GALNT17: variants seen among roughly 807,000 people sequenced by gnomAD.
GALNT17 encodes the protein polypeptide N-acetylgalactosaminyltransferase 17, also known as UDP-GalNAc:polypeptide N-acetylgalactosaminyltransferase-like 3.
A neutral mutation model predicts 63.7 loss-of-function variants in GALNT17; 29 were observed. The ratio of observed to expected loss-of-function variants is 0.46; its 90% CI spans 0.34 to 0.62. The LOEUF is 0.62. Ranked by LOEUF, GALNT17 falls within the 20% of genes least tolerant of loss-of-function variation. The probability of loss-of-function intolerance (pLI) is 0.01; values close to 1 mark genes in which losing one functional copy is unlikely to be tolerated. For synonymous variants in GALNT17, 305 were observed against 318.3 expected (o/e 0.96, Z 0.45); for missense variants, 603 against 799.6 (o/e 0.75, Z 2.97).
At chr7:71,644,157 C>T (rs1409115147) in intron 6 of GALNT17, among the ~76,000 whole-genome samples, 1 of 152,008 alleles carries the variant, frequency 6.6e-6, no homozygotes, top group Non-Finnish European at 1.5e-5. Flanking sequence ...AATCCCAGCA[C>T]TTTGAGAAGC....
At chr7:71,263,687 G>T (rs1053385612) in intron 1 of GALNT17, among the ~76,000 whole-genome samples, 2 of 152,058 alleles carry the variant, frequency 1.3e-5, no homozygotes, top group Admixed American at 6.5e-5. Context: ...ACTTTGAGAG[G>T]CCAAGGCGGG....
Position 71,132,853 on chromosome 7 carries a change from G to A in GALNT17, c.51G>A (p.Ala17=), listed in dbSNP as rs748838896. The A allele has an allele frequency of 6.2e-7, 1 of 1,612,726 alleles. No individual in the cohort carries two copies. Among genetic ancestry groups the A allele is most frequent in the Non-Finnish European group, 8.5e-7 (1 of 1,179,310 alleles). ...TGCTGTTGGTGTTGAACTTGATCGC[G>A]GTAGCCGGCTTCGTGCTCTTCCTGG... ...VKVLLVLNLI[A]VAGFVLFLAK... is the part of the protein sequence containing the mutation. Residue 17 remains alanine, a synonymous_variant, in exon 1 of 11, where the codon GCG becomes GCA. Coordinates refer to ENST00000333538, the MANE Select transcript of GALNT17 (RefSeq NM_022479.3).
intron 1 of GALNT17, among the ~76,000 whole-genome samples, chr7:71,327,449 C>T (rs575949115): frequency 2.6e-5 from 4 of 152,052 alleles, no homozygotes; most frequent in Non-Finnish European, 5.9e-5. Flanking sequence ...GGGAAAACTG[C>T]CCCCGTGATT....
chr7:71,678,297 T>G (rs1791182603), intron 9 of GALNT17, among the ~76,000 whole-genome samples: 1 of 151,748 alleles, frequency 6.6e-6, no homozygotes, highest in Admixed American at 6.6e-5. Context: ...AGCTAATTTT[T>G]GTATTTTCAG....
chr7:71,530,373 A>T (rs940636099), intron 5 of GALNT17, among the ~76,000 whole-genome samples: 1 of 152,078 alleles, frequency 6.6e-6, no homozygotes, highest in African/African-American at 2.4e-5. Context: ...TACTTCTCCT[A>T]AAGACTTTTA....
intron 1 of GALNT17, among the ~76,000 whole-genome samples, chr7:71,334,234 T>C (rs187428546): frequency 3.9e-5 from 6 of 152,316 alleles, no homozygotes; most frequent in African/African-American, 1.4e-4. Flanking sequence ...GGAGAGGGAA[T>C]ACAAGCTTTG....
At chr7:71,143,103 A>G (rs1787947068) in intron 1 of GALNT17, among the ~76,000 whole-genome samples, 1 of 151,876 alleles carries the variant, frequency 6.6e-6, no homozygotes, top group Non-Finnish European at 1.5e-5. Context: ...CACCTTGTGG[A>G]AGGTGTGAAA....
At chr7:71,573,742 C>T (rs1231349281) in intron 6 of GALNT17, among the ~76,000 whole-genome samples, 5 of 151,982 alleles carry the variant, frequency 3.3e-5, no homozygotes, top group Non-Finnish European at 7.4e-5. Flanking sequence ...TAATTGACAC[C>T]TCAATGAGCA....
intron 1 of GALNT17, among the ~76,000 whole-genome samples, chr7:71,207,384 C>T (rs1789292457): frequency 6.6e-6 from 1 of 152,182 alleles, no homozygotes; most frequent in South Asian, 2.1e-4. Context: ...ACCCACTTCT[C>T]TCCTTTCTGC....
rs192491305 is a variant in GALNT17, at chr7:71,135,019, T to C, written c.238+1979T>C. On this transcript the variant is annotated intron_variant, in intron 1 of 10. Transcript: ENST00000333538. Reference sequence around the variant, plus strand: ...AGTGTGCATCACCATGCCCTTCTAATTTTTTAATTTTTTGTAGACACAGGG... The same window carrying C: ...AGTGTGCATCACCATGCCCTTCTAACTTTTTAATTTTTTGTAGACACAGGG... 2.8e-4 allele frequency among the ~76,000 whole-genome samples: 43 copies of C among 151,990 alleles called. No individual in the cohort carries two copies. The East Asian group carries it at 4.1e-3, about 14-fold the overall frequency.
chr7:71,486,962 T>G (rs1262871873), intron 5 of GALNT17, among the ~76,000 whole-genome samples: 3 of 152,256 alleles, frequency 2.0e-5, no homozygotes, highest in Non-Finnish European at 4.4e-5. Context: ...TTGAGATGAC[T>G]GCAGGGTGCT....
intron 5 of GALNT17, among the ~76,000 whole-genome samples, chr7:71,516,943 G>A (rs948896747): frequency 2.0e-5 from 3 of 152,150 alleles, no homozygotes; most frequent in African/African-American, 7.2e-5. Context: ...AACACCCTCA[G>A]TGGAATCTCC....
intron 1 of GALNT17, among the ~76,000 whole-genome samples, chr7:71,149,306 T>C (rs1397196860): frequency 6.6e-6 from 1 of 152,156 alleles, no homozygotes. Flanking sequence ...TATACTATTA[T>C]ATCTGTTTTA....
chr7:71,199,177 G>A (rs1056932006), intron 1 of GALNT17, among the ~76,000 whole-genome samples: 1 of 152,076 alleles, frequency 6.6e-6, no homozygotes, highest in East Asian at 1.9e-4. Context: ...TGGCCAAGGG[G>A]GTGGCTAAAG....
Position 71,712,073 on chromosome 7 carries a change from G to A in GALNT17, c.1724G>A (p.Gly575Asp), listed in dbSNP as rs754952112. The A allele has an allele frequency of 5.0e-6, 8 of 1,614,104 alleles. No homozygotes were observed. The highest frequency in any genetic ancestry group is 6.8e-6 in the Non-Finnish European group (8 of 1,179,992). Residue 575 changes from glycine (G) to aspartate (D), a missense_variant, in exon 11 of 11, where the codon GGC becomes GAC. By Grantham distance (94) the Gly-to-Asp change is moderately conservative (BLOSUM62 -1). Around this residue, in one of 3 missense-constraint regions of GALNT17, gnomAD observed 72 missense variants for 76.9 expected, o/e 0.94. Coordinates refer to ENST00000333538, the MANE Select transcript of GALNT17 (RefSeq NM_022479.3). ...TGRCLEVENR[G>D]LAGIDLILRS... is the part of the protein sequence containing the mutation. Reference sequence around the variant, plus strand: ...CGCTGCCTGGAGGTGGAGAACCGGGGCCTGGCTGGCATCGACCTCATCCTC... The same window carrying A: ...CGCTGCCTGGAGGTGGAGAACCGGGACCTGGCTGGCATCGACCTCATCCTC...
intron 1 of GALNT17, among the ~76,000 whole-genome samples, chr7:71,148,697 AAGACAT>A (rs1788069524): frequency 6.6e-6 from 1 of 152,000 alleles, no homozygotes; most frequent in South Asian, 2.1e-4. Context: ...TTTGTCTGTT[AAGACAT>A]TTTTACATCT....
rs374684460 is a variant in GALNT17, at chr7:71,642,534, C to T, written c.1081-22877C>T. On this transcript the variant is annotated intron_variant, in intron 6 of 10. Coordinates refer to ENST00000333538, the MANE Select transcript of GALNT17 (RefSeq NM_022479.3). ...TTCTTTGAAGAAAGATTTTCCTTTA[C>T]CAAAGCTCTTCTAGATTCTTGACTG... Among the ~76,000 whole-genome samples the T allele has an allele frequency of 5.3e-5, 8 of 152,138 alleles. No individual in the cohort carries two copies. The East Asian group carries it at 1.5e-3, about 29-fold the overall frequency.
In GALNT17 at chr7:71,410,766, C is replaced by T. The variant is rs939001632; in HGVS notation, c.590-5123C>T. Reference sequence around the variant, plus strand: ...ATTTATGCTCCATGAGCCTGGATGACATGTGTTTGTTTTATTGTTAAGGAG... The same window carrying T: ...ATTTATGCTCCATGAGCCTGGATGATATGTGTTTGTTTTATTGTTAAGGAG... On this transcript the variant is annotated intron_variant, in intron 3 of 10. Coordinates refer to ENST00000333538, the MANE Select transcript of GALNT17 (RefSeq NM_022479.3). 9.9e-5 allele frequency among the ~76,000 whole-genome samples: 15 copies of T among 152,240 alleles called. No individual in the cohort carries two copies. In the South Asian group the frequency reaches 1.5e-3, roughly 15 times the overall value.
intron 2 of GALNT17, among the ~76,000 whole-genome samples, chr7:71,372,448 A>C (rs1563043221): frequency 6.6e-6 from 1 of 152,016 alleles, no homozygotes; most frequent in Non-Finnish European, 1.5e-5. Context: ...CATAGGCATG[A>C]GCCACCATGC....
Sources: allele counts gnomAD v4.1 joint callset (sites outside exome capture counted in the v4.1 genomes callset), GRCh38; gene constraint gnomAD v4.1.1; regional missense constraint gnomAD v4.1.1; transcripts MANE v1.5; gene names NCBI Gene and HGNC (gene_info 2026-07-23, HGNC 2026-07-21).